The following ST8SIA1 variants were observed in gnomAD, a reference collection of about 807,000 sequenced individuals.
ST8SIA1 encodes the protein alpha-N-acetylneuraminide alpha-2,8-sialyltransferase.
ST8SIA1 carries 16 observed loss-of-function variants against 35.9 expected under a neutral mutation model. The ratio of observed to expected loss-of-function variants is 0.45; its 90% CI spans 0.30 to 0.68. The LOEUF is 0.68. Among genes scored for constraint, ST8SIA1 ranks in the 30% least tolerant of loss-of-function variants. The pLI, the probability that ST8SIA1 is intolerant of heterozygous loss-of-function variation, is 0.09. For missense variants in ST8SIA1, 383 were observed against 453.6 expected (o/e 0.84, Z 1.41); for synonymous variants, 170 against 169.6 (o/e 1.00, Z -0.02).
intron 1 of ST8SIA1, among the ~76,000 whole-genome samples, chr12:22,302,953 T>C (rs1046472502): frequency 6.6e-6 from 1 of 152,140 alleles, no homozygotes; most frequent in African/African-American, 2.4e-5. Flanking sequence ...TCAATGGATG[T>C]CTTATGTCTC....
chr12:22,266,498 A>ATAT (rs1406221929), intron 2 of ST8SIA1, among the ~76,000 whole-genome samples: 2 of 144,374 alleles, frequency 1.4e-5, no homozygotes, highest in African/African-American at 5.2e-5. Context: ...CTATTTAAAA[A>ATAT]AAAAATATAT....
At chr12:22,306,752 T>G (rs1866388608) in intron 1 of ST8SIA1, among the ~76,000 whole-genome samples, 1 of 152,202 alleles carries the variant, frequency 6.6e-6, no homozygotes, top group Admixed American at 6.5e-5. Flanking sequence ...GTCCTTCAGC[T>G]CTGGAAACAG....
chr12:22,308,613 C>T (rs1231751975), intron 1 of ST8SIA1, among the ~76,000 whole-genome samples: 3 of 151,854 alleles, frequency 2.0e-5, no homozygotes, highest in Admixed American at 6.6e-5. Flanking sequence ...AAATAATTAC[C>T]GCCTCTATTT....
At chr12:22,295,645 T>C (rs932384370) in intron 1 of ST8SIA1, among the ~76,000 whole-genome samples, 3 of 151,960 alleles carry the variant, frequency 2.0e-5, no homozygotes, top group East Asian at 1.9e-4. Flanking sequence ...GTTTGGAGGA[T>C]TGCTTGAGCC....
At chr12:22,282,797 C>T (rs890986741) in intron 2 of ST8SIA1, among the ~76,000 whole-genome samples, 3 of 152,122 alleles carry the variant, frequency 2.0e-5, no homozygotes, top group African/African-American at 4.8e-5. Flanking sequence ...AGACATTAGA[C>T]CCCTTAGTTT....
At chr12:22,306,317 GACCTGTC>G (rs1431978830) in intron 1 of ST8SIA1, among the ~76,000 whole-genome samples, 1 of 152,082 alleles carries the variant, frequency 6.6e-6, no homozygotes, top group Non-Finnish European at 1.5e-5. Context: ...AGTTAACTGA[GACCTGTC>G]TCACATATTC....
chr12:22,296,754 C>A (rs1349572499), intron 1 of ST8SIA1, among the ~76,000 whole-genome samples: 1 of 152,138 alleles, frequency 6.6e-6, no homozygotes, highest in African/African-American at 2.4e-5. Flanking sequence ...AATGAATTCA[C>A]TTCTGGAGGC....
chr12:22,221,606 G>A (rs977774605), intron 4 of ST8SIA1, among the ~76,000 whole-genome samples: 11 of 152,090 alleles, frequency 7.2e-5, no homozygotes, highest in African/African-American at 2.2e-4. Context: ...TAAATCATGT[G>A]CTGCAAACAG....
intron 4 of ST8SIA1, among the ~76,000 whole-genome samples, chr12:22,241,963 A>G (rs1239062757): frequency 1.3e-5 from 2 of 152,016 alleles, no homozygotes; most frequent in African/African-American, 4.8e-5. Context: ...AGTCTAAAGA[A>G]CTCTCTTTTC....
intron 2 of ST8SIA1, among the ~76,000 whole-genome samples, chr12:22,271,405 ACTC>A (rs1479418134): frequency 6.6e-6 from 1 of 152,016 alleles, no homozygotes; most frequent in African/African-American, 2.4e-5. Context: ...TATCTAAATC[ACTC>A]CTCAGTCATC....
At chr12:22,204,535 C>T (rs889570114) in intron 4 of ST8SIA1, among the ~76,000 whole-genome samples, 1 of 152,120 alleles carries the variant, frequency 6.6e-6, no homozygotes, top group African/African-American at 2.4e-5. Flanking sequence ...CAGGGCCCTG[C>T]TGGCTGATGG....
chr12:22,317,514 C>T (rs571016871), intron 1 of ST8SIA1, among the ~76,000 whole-genome samples: 3 of 152,286 alleles, frequency 2.0e-5, no homozygotes, highest in Admixed American at 6.5e-5. Context: ...AGTTCACTTA[C>T]GTGGTTGTTG....
At chr12:22,240,202 T>C (rs1865524113) in intron 4 of ST8SIA1, among the ~76,000 whole-genome samples, 1 of 152,112 alleles carries the variant, frequency 6.6e-6, no homozygotes, top group Non-Finnish European at 1.5e-5. Flanking sequence ...ATATTTATAC[T>C]CAATTGACAT....
At chr12:22,332,267 T>C (rs1453256518) in intron 1 of ST8SIA1, among the ~76,000 whole-genome samples, 1 of 152,226 alleles carries the variant, frequency 6.6e-6, no homozygotes, top group Non-Finnish European at 1.5e-5. Flanking sequence ...CACTGAAAAT[T>C]ACTCCAGGCT....
At chr12:22,207,872 C>T (rs896446159) in intron 4 of ST8SIA1, among the ~76,000 whole-genome samples, 18 of 151,890 alleles carry the variant, frequency 1.2e-4, no homozygotes, top group Admixed American at 8.5e-4. Context: ...TAGCCAGGCG[C>T]GGTGGCTCAC....
chr12:22,291,584 T>C (rs1257897443), intron 1 of ST8SIA1, among the ~76,000 whole-genome samples: 1 of 152,184 alleles, frequency 6.6e-6, no homozygotes, highest in East Asian at 1.9e-4. Flanking sequence ...CCCCTTCATA[T>C]CTAATCAGGG....
chr12:22,297,023 C>T lies in ST8SIA1; in HGVS notation c.237-9730G>A, dbSNP rs150006814. On this transcript the variant is annotated intron_variant, in intron 1 of 4. Transcript: ENST00000396037. ...GGGATGCAGCGGGGATGTCTTTATC[C>T]AATCATGGCCCACGGTGCTCCTGAA... 7.1e-4 allele frequency among the ~76,000 whole-genome samples: 108 copies of T among 152,230 alleles called. 1 individual carries two copies. Among genetic ancestry groups the T allele is most frequent in the African/African-American group, 2.3e-3 (96 of 41,530 alleles).
intron 1 of ST8SIA1, among the ~76,000 whole-genome samples, chr12:22,296,037 G>A (rs534937820): frequency 8.5e-5 from 13 of 152,088 alleles, no homozygotes; most frequent in Non-Finnish European, 1.9e-4. Flanking sequence ...AGTCATCCCC[G>A]TGTGATAGTG....
chr12:22,281,969 A>G (rs960130481), intron 2 of ST8SIA1, among the ~76,000 whole-genome samples: 5 of 152,112 alleles, frequency 3.3e-5, no homozygotes, highest in African/African-American at 1.2e-4. Context: ...TGATCGTGCC[A>G]CTGCATTTTT....
Sources: allele counts gnomAD v4.1 joint callset (sites outside exome capture counted in the v4.1 genomes callset), GRCh38; gene constraint gnomAD v4.1.1; transcripts MANE v1.5; gene names NCBI Gene and HGNC (gene_info 2026-07-23, HGNC 2026-07-21).